The following COL4A4 variants were observed in gnomAD, a reference collection of about 807,000 sequenced individuals.
COL4A4 encodes the protein collagen type IV alpha 4 chain, also known as collagen alpha-4(IV) chain.
A neutral mutation model predicts 192.9 loss-of-function variants in COL4A4; 105 were observed. That is an observed-to-expected ratio of 0.54 (90% CI 0.46 to 0.64). The LOEUF is 0.64. Among genes scored for constraint, COL4A4 ranks in the 30% least tolerant of loss-of-function variants. COL4A4 has a pLI of 0.00. For missense variants in COL4A4, 1,967 were observed against 2,169.3 expected (o/e 0.91, Z 1.85); for synonymous variants, 762 against 769.9 (o/e 0.99, Z 0.17).
intron 7 of COL4A4, among the ~76,000 whole-genome samples, chr2:227,118,334 T>C (rs2061598160): frequency 2.6e-5 from 4 of 152,152 alleles, no homozygotes; most frequent in Non-Finnish European, 5.9e-5. Flanking sequence ...TTCCCTACTA[T>C]CTATTCTCTT....
intron 46 of COL4A4, among the ~76,000 whole-genome samples, chr2:227,009,210 T>C (rs1352381807): frequency 6.6e-6 from 1 of 152,200 alleles, no homozygotes; most frequent in African/African-American, 2.4e-5. Flanking sequence ...TTGCACTCTT[T>C]GACTACCCTT....
chr2:226,999,781 A>T (rs1348604330), downstream of COL4A4, among the ~76,000 whole-genome samples: 1 of 152,212 alleles, frequency 6.6e-6, no homozygotes, highest in African/African-American at 2.4e-5. Flanking sequence ...ACACAAGCAA[A>T]ACCCTAGAAA....
intron 4 of COL4A4, among the ~76,000 whole-genome samples, chr2:227,133,624 G>A (rs531175388): frequency 5.3e-5 from 8 of 152,252 alleles, no homozygotes; most frequent in Admixed American, 1.3e-4. Context: ...AGGCGTGGTG[G>A]CTCACGCCTG....
chr2:227,138,428 T>G (rs900298898), intron 4 of COL4A4, among the ~76,000 whole-genome samples: 2 of 152,014 alleles, frequency 1.3e-5, no homozygotes, highest in Non-Finnish European at 2.9e-5. Flanking sequence ...GGTCAGGAGA[T>G]CGAGACCATC....
chr2:227,066,056 C>G (rs968019618), intron 25 of COL4A4, among the ~76,000 whole-genome samples: 4 of 152,250 alleles, frequency 2.6e-5, no homozygotes, highest in South Asian at 4.2e-4. Flanking sequence ...GAAAACCAAG[C>G]CTCGAGAACT....
chr2:226,987,477 A>G, the COL4A4 span, among the ~76,000 whole-genome samples: 1 of 152,224 alleles, frequency 6.6e-6, no homozygotes, highest in Non-Finnish European at 1.5e-5. Context: ...AGGACAGGCA[A>G]CAGTCTCCAG....
At chr2:227,130,774 G>A (rs373127018) in intron 4 of COL4A4, among the ~76,000 whole-genome samples, 4 of 152,242 alleles carry the variant, frequency 2.6e-5, no homozygotes, top group African/African-American at 2.4e-5. Context: ...CCCCTGAAAC[G>A]TGCTTCCTGA....
chr2:226,994,089 G>A, the COL4A4 span, among the ~76,000 whole-genome samples: 8 of 152,138 alleles, frequency 5.3e-5, no homozygotes, highest in South Asian at 2.1e-4. Flanking sequence ...GCTGGACTGC[G>A]GGCACCTTCC....
intron 24 of COL4A4, among the ~76,000 whole-genome samples, chr2:227,080,103 C>T (rs934298846): frequency 3.9e-5 from 6 of 152,154 alleles, no homozygotes; most frequent in Admixed American, 3.3e-4. Context: ...GAGCTCCATC[C>T]TCCACCCCAC....
chr2:227,143,946 A>G (rs2063383784), intron 3 of COL4A4, among the ~76,000 whole-genome samples: 2 of 152,254 alleles, frequency 1.3e-5, no homozygotes, highest in African/African-American at 4.8e-5. Flanking sequence ...GAAAAAACCT[A>G]CAATAACTTG....
rs901191310 is a variant in COL4A4, at chr2:227,004,596, GTGGAAAACAAAGGC to G, written c.*2715_*2728del. The G allele has an allele frequency of 1.3e-5, 2 of 152,254 alleles. No individual in the cohort carries two copies. Among genetic ancestry groups the G allele is most frequent in the African/African-American group, 4.8e-5 (2 of 41,434 alleles). 9.4% of individuals were successfully genotyped at this position (152,254 alleles called of 1,614,324 possible). A position where few individuals can be genotyped will look rare whatever the true frequency, so the allele number is the denominator to read the frequency against. ...GGAGATGCCTACTGCAAGGGTGGAG[GTGGAAAACAAAGGC>G]TGTGTGAGACGGGCACGGGGCTAAA... is the stretch of plus-strand genomic sequence containing the variant. On this transcript the variant is annotated 3_prime_UTR_variant, in exon 48 of 48. Transcript: ENST00000396625.
rs186046589 is a variant in COL4A4, at chr2:227,043,567, A to G, written c.3290-383T>C. Among the ~76,000 whole-genome samples the G allele has an allele frequency of 5.9e-3, 895 of 152,272 alleles. 10 individuals carry two copies. Among genetic ancestry groups the G allele is most frequent in the African/African-American group, 0.02 (843 of 41,550 alleles). On this transcript the variant is annotated intron_variant, in intron 35 of 47. Transcript: ENST00000396625. ...AATTCAATTTATTTTACTATTGGCC[A>G]TTTAAGTTATCTCTAACTCTGCCGT...
At chr2:227,124,846 T>C (rs1436892671) in intron 4 of COL4A4, among the ~76,000 whole-genome samples, 1 of 152,244 alleles carries the variant, frequency 6.6e-6, no homozygotes, top group Non-Finnish European at 1.5e-5. Flanking sequence ...AGGAAATAAA[T>C]ACTTTTTCAT....
intron 29 of COL4A4, 73 bp downstream of exon 29, chr2:227,057,366 A>G: frequency 2.0e-6 from 3 of 1,510,272 alleles, no homozygotes; most frequent in East Asian, 2.4e-5. Flanking sequence ...AGCATCCATA[A>G]AAGAGTAAAA....
rs139922960 is a variant in COL4A4 at position 227,077,663 on chromosome 2, TAAAGAA to T, written c.1987+225_1987+230del. Among the ~76,000 whole-genome samples, 3,507 of 141,180 alleles carry T rather than the reference TAAAGAA, an allele frequency of 0.025. 121 individuals are homozygous for T. Among genetic ancestry groups the T allele is most frequent in the African/African-American group, 0.087 (3,304 of 37,780 alleles). The allele number at this position is 141,180 out of a possible 152,430, so 92.6% of individuals were successfully genotyped here. On this transcript the variant is annotated intron_variant, in intron 25 of 47. Coordinates refer to ENST00000396625, the MANE Select transcript of COL4A4 (RefSeq NM_000092.5). ...TGTATCCCAGAACTTAAAGTAAAATTAAAGAAAAAGAAAAAGAAAAACACTTGAATA... is the reference window on the plus strand; with the variant it reads ...TGTATCCCAGAACTTAAAGTAAAATTAAAGAAAAAGAAAAACACTTGAATA...
chr2:227,072,251 C>T (rs925506255), intron 25 of COL4A4, among the ~76,000 whole-genome samples: 1 of 151,834 alleles, frequency 6.6e-6, no homozygotes, highest in South Asian at 2.1e-4. Flanking sequence ...ATACAAAAGA[C>T]CATTCAAGAC....
intron 26 of COL4A4, 30 bp from the exon 27 acceptor site, chr2:227,060,273 T>G: frequency 7.0e-7 from 1 of 1,436,664 alleles, no homozygotes; most frequent in South Asian, 1.2e-5. Context: ...AAACACAGAC[T>G]CAATAAAACA....
At chr2:227,067,897 A>G (rs2058449158) in intron 25 of COL4A4, among the ~76,000 whole-genome samples, 1 of 141,176 alleles carries the variant, frequency 7.1e-6, no homozygotes, top group Non-Finnish European at 1.5e-5. Context: ...TAGAGACACA[A>G]AAAACCCTTC....
chr2:227,086,597 T>C (rs144920733), intron 22 of COL4A4, among the ~76,000 whole-genome samples: 1 of 151,854 alleles, frequency 6.6e-6, no homozygotes, highest in Non-Finnish European at 1.5e-5. Flanking sequence ...ACAGACCAGA[T>C]ACACAATCAG....
Sources: allele counts gnomAD v4.1 joint callset (sites outside exome capture counted in the v4.1 genomes callset), GRCh38; gene constraint gnomAD v4.1.1; transcripts MANE v1.5; gene names NCBI Gene and HGNC (gene_info 2026-07-23, HGNC 2026-07-21).